The following KCTD8 variants were observed in gnomAD, a reference collection of about 807,000 sequenced individuals.
The protein encoded by KCTD8 is BTB/POZ domain-containing protein KCTD8.
Under a neutral mutation model 31.5 loss-of-function variants are expected in KCTD8, and 27 were observed. That is an observed-to-expected ratio of 0.86 (90% CI 0.63 to 1.18). KCTD8 has a LOEUF of 1.18. KCTD8 is among the 50% of genes most tolerant of loss of function. The probability of loss-of-function intolerance (pLI) is 0.00; values close to 1 mark genes in which losing one functional copy is unlikely to be tolerated. For synonymous variants in KCTD8, 290 were observed against 280.0 expected, an observed-to-expected ratio of 1.04 and a Z score of -0.36; for missense variants, 658 against 647.7, an observed-to-expected ratio of 1.02 and a Z score of -0.17.
chr4:44,245,524 G>T (rs189052429), intron 1 of KCTD8, among the ~76,000 whole-genome samples: 1 of 151,854 alleles, frequency 6.6e-6, no homozygotes, highest in African/African-American at 2.4e-5. Context: ...AGCATTAATG[G>T]TGTATAAATT....
chr4:44,175,076 G>A lies in KCTD8; in HGVS notation c.1136C>T (p.Ala379Val), dbSNP rs1370421685. ...PQDNPSSAQQ[A>V]TAHQPNTLTL... ...TAAAGTGTTAGGTTGGTGAGCTGTT[G>A]CCTGCTGGGCACTGGATGGGTTGTC... is the stretch of plus-strand genomic sequence containing the variant. Residue 379 changes from alanine to valine, a missense_variant, in exon 2 of 2, where the codon GCA becomes GTA. Physicochemically the swap from Ala to Val is moderately conservative, Grantham distance 64. Coordinates refer to ENST00000360029, the MANE Select transcript of KCTD8 (RefSeq NM_198353.3). The A allele has an allele frequency of 5.0e-6, 8 of 1,613,944 alleles. No homozygotes were observed. The Admixed American group carries it at 1.3e-4, about 27-fold the overall frequency.
At chr4:44,280,537 T>C (rs1716878116) in intron 1 of KCTD8, among the ~76,000 whole-genome samples, 1 of 151,984 alleles carries the variant, frequency 6.6e-6, no homozygotes, top group Non-Finnish European at 1.5e-5. Context: ...TGCTCCAGAG[T>C]GAAGAAGGAC....
At chr4:44,317,607 G>A (rs544994829) in intron 1 of KCTD8, among the ~76,000 whole-genome samples, 2 of 152,280 alleles carry the variant, frequency 1.3e-5, no homozygotes, top group East Asian at 3.9e-4. Flanking sequence ...CTTACTACAC[G>A]ATCCTCTGTT....
Position 44,448,032 on chromosome 4 carries a change from G to C in KCTD8, c.492C>G (p.Asp164Glu). The change falls in exon 1 of 2, where the codon GAC becomes GAG. Residue 164 changes from aspartate (D) to glutamate (E), a missense_variant. Asp to Glu is a conservative substitution (Grantham distance 45). Transcript: ENST00000360029. The surrounding 1 kb of genome is among the most constrained non-coding windows in gnomAD (Gnocchi z 4.1). ...NSLNDEGCQS[D>E]LEDNVSQGSS... ...TACCCTGCGAGACGTTGTCCTCCAG[G>C]TCGCTCTGGCAGCCCTCGTCGTTGA... 6.2e-7 allele frequency: 1 copy of C among 1,607,942 alleles called. No individual in the cohort carries two copies. The highest frequency in any genetic ancestry group is 1.1e-5 in the South Asian group (1 of 90,170).
intron 1 of KCTD8, among the ~76,000 whole-genome samples, chr4:44,269,994 G>T (rs1716530377): frequency 6.6e-6 from 1 of 151,980 alleles, no homozygotes; most frequent in African/African-American, 2.4e-5. Flanking sequence ...GATTCCTCAG[G>T]GATCTAGAAC....
intron 1 of KCTD8, among the ~76,000 whole-genome samples, chr4:44,181,739 G>C (rs886732101): frequency 6.6e-6 from 1 of 151,522 alleles, no homozygotes; most frequent in East Asian, 2.0e-4. Context: ...CCCTCTGCCC[G>C]GCTGCCCAGT....
chr4:44,332,674 G>C (rs530395818), intron 1 of KCTD8, among the ~76,000 whole-genome samples: 1 of 151,928 alleles, frequency 6.6e-6, no homozygotes, highest in African/African-American at 2.4e-5. Context: ...AAGAGAAATA[G>C]GTTCTTTTTC....
intron 1 of KCTD8, among the ~76,000 whole-genome samples, chr4:44,199,107 T>C (rs1011769493): frequency 1.3e-5 from 2 of 152,106 alleles, no homozygotes; most frequent in Non-Finnish European, 2.9e-5. Flanking sequence ...TTAACTATCA[T>C]AAAGATATAT....
At chr4:44,303,157 C>G (rs1717683444) in intron 1 of KCTD8, among the ~76,000 whole-genome samples, 1 of 152,112 alleles carries the variant, frequency 6.6e-6, no homozygotes, top group Admixed American at 6.5e-5. Context: ...CGATGTTCAT[C>G]AAGGATATTG....
chr4:44,176,868 T>TATCTATCTATC (rs1304788849), intron 1 of KCTD8, among the ~76,000 whole-genome samples: 1 of 151,774 alleles, frequency 6.6e-6, no homozygotes, highest in African/African-American at 2.4e-5. Context: ...TACATCTATC[T>TATCTATCTATC]ATCTATCTAT....
intron 1 of KCTD8, among the ~76,000 whole-genome samples, chr4:44,294,333 ACCAAAGCACT>A (rs1265906227): frequency 6.6e-6 from 1 of 152,214 alleles, no homozygotes; most frequent in Non-Finnish European, 1.5e-5. Context: ...CCTATGAGCC[ACCAAAGCACT>A]CTTAAGATAG....
At chr4:44,199,763 C>G (rs1472002665) in intron 1 of KCTD8, among the ~76,000 whole-genome samples, 1 of 151,722 alleles carries the variant, frequency 6.6e-6, no homozygotes, top group Non-Finnish European at 1.5e-5. Flanking sequence ...AAAGAACAAA[C>G]CAACTGTAAA....
intron 1 of KCTD8, among the ~76,000 whole-genome samples, chr4:44,265,808 A>G (rs1322955185): frequency 6.6e-6 from 1 of 152,234 alleles, no homozygotes; most frequent in Admixed American, 6.5e-5. Context: ...GGAAGATGAA[A>G]TGAATGAAAT....
intron 1 of KCTD8, among the ~76,000 whole-genome samples, 195 bp from the exon 2 acceptor site, chr4:44,175,445 A>C (rs2109327154): frequency 6.6e-6 from 1 of 152,338 alleles, no homozygotes; most frequent in South Asian, 2.1e-4. Flanking sequence ...TGAAAGATGC[A>C]GTATGCTGAT....
rs138651162 is a variant in KCTD8, at chr4:44,370,478, G to T, written c.961+77085C>A. ...GAAGTCTACTGCTAAGTAGTGGCTG[G>T]CACTGCTTTTGGTTTTCAACAATGC... On this transcript the variant is annotated intron_variant, in intron 1 of 1. Transcript: ENST00000360029. Among the ~76,000 whole-genome samples the T allele has an allele frequency of 5.4e-3, 825 of 152,212 alleles. 9 individuals carry two copies. The highest frequency in any genetic ancestry group is 0.019 in the African/African-American group (796 of 41,530).
At chr4:44,209,044 GT>G (rs1227964036) in intron 1 of KCTD8, among the ~76,000 whole-genome samples, 2 of 151,956 alleles carry the variant, frequency 1.3e-5, no homozygotes, top group African/African-American at 4.8e-5. Context: ...ATGTATTTCT[GT>G]TTAAGTATCC....
intron 1 of KCTD8, among the ~76,000 whole-genome samples, chr4:44,371,050 C>T (rs1480272859): frequency 6.6e-6 from 1 of 151,962 alleles, no homozygotes; most frequent in African/African-American, 2.4e-5. Flanking sequence ...GGCCTGAGAA[C>T]CAGGGAGGCC....
At position 44,340,530 on chromosome 4, in the gene KCTD8, C is replaced by T. The variant is rs563169272; in HGVS notation, c.961+107033G>A. Among the ~76,000 whole-genome samples the T allele has an allele frequency of 7.5e-4, 82 of 108,786 alleles. 1 individual carries two copies. The highest frequency in any genetic ancestry group is 2.8e-3 in the African/African-American group (75 of 26,504). The allele number at this position is 108,786 out of a possible 152,430, so 71.4% of individuals were successfully genotyped here. ...TCACCGTGTTAGCCAGGATGGTCTC[C>T]ATTTCCTGACCTCATGATCCACCCC... On this transcript the variant is annotated intron_variant, in intron 1 of 1. Transcript: ENST00000360029.
At chr4:44,292,787 A>G (rs939586850) in intron 1 of KCTD8, among the ~76,000 whole-genome samples, 1 of 152,018 alleles carries the variant, frequency 6.6e-6, no homozygotes, top group Non-Finnish European at 1.5e-5. Context: ...AAGGGCCTAT[A>G]TTTTCCTAAT....
Sources: allele counts gnomAD v4.1 joint callset (sites outside exome capture counted in the v4.1 genomes callset), GRCh38; gene constraint gnomAD v4.1.1; non-coding constraint Gnocchi (gnomAD v3.1); transcripts MANE v1.5; gene names NCBI Gene and HGNC (gene_info 2026-07-23, HGNC 2026-07-21).